The following LONP2 variants were observed in gnomAD, a reference collection of about 807,000 sequenced individuals.
LONP2 encodes the protein lon protease homolog 2, peroxisomal.
A neutral mutation model predicts 85.6 loss-of-function variants in LONP2; 60 were observed. The observed-to-expected ratio is 0.70, with a 90% CI of 0.57 to 0.87. LONP2 has a LOEUF of 0.87. LONP2 is among the 40% of genes least tolerant of loss of function. LONP2 has a pLI of 0.00. For synonymous variants in LONP2, 395 were observed against 389.7 expected, an observed-to-expected ratio of 1.01 and a Z score of -0.16; for missense variants, 860 against 1,063.5, an observed-to-expected ratio of 0.81 and a Z score of 2.66.
chr16:48,257,049 C>T (rs960889333), intron 3 of LONP2, among the ~76,000 whole-genome samples: 5 of 152,122 alleles, frequency 3.3e-5, no homozygotes, highest in African/African-American at 9.7e-5. Context: ...TGGGTGCTCA[C>T]GCCTGTAGTC....
At chr16:48,267,699 C>T (rs8045819) in intron 6 of LONP2, among the ~76,000 whole-genome samples, 31,536 of 151,880 alleles carry the variant, frequency 0.21, 4,016 homozygotes, top group African/African-American at 0.36. Context: ...CACTGCAACC[C>T]CTGCCTCCTG....
intron 8 of LONP2, among the ~76,000 whole-genome samples, chr16:48,289,720 T>C (rs958887678): frequency 2.0e-5 from 3 of 152,342 alleles, no homozygotes; most frequent in African/African-American, 7.2e-5. Flanking sequence ...ATTAAATATT[T>C]ACAAGCTATT....
intron 1 of LONP2, among the ~76,000 whole-genome samples, chr16:48,248,999 C>T (rs1971551149): frequency 6.6e-6 from 1 of 152,012 alleles, no homozygotes; most frequent in African/African-American, 2.4e-5. Flanking sequence ...GATTTTCCCA[C>T]TACTGCAGTT....
chr16:48,347,794 C>T (rs1279703749), intron 13 of LONP2, 80 bp downstream of exon 13: 1 of 1,297,838 alleles, frequency 7.7e-7, no homozygotes, highest in South Asian at 1.3e-5. Flanking sequence ...GAGCTCGAGA[C>T]TGCCAGTTAC....
intron 11 of LONP2, among the ~76,000 whole-genome samples, chr16:48,320,445 A>G (rs1973239101): frequency 6.6e-6 from 1 of 152,126 alleles, no homozygotes; most frequent in Non-Finnish European, 1.5e-5. Context: ...ACAAGAGTTT[A>G]GGCACTGGCT....
chr16:48,319,955 G>A (rs924850908), intron 11 of LONP2, among the ~76,000 whole-genome samples: 1 of 152,004 alleles, frequency 6.6e-6, no homozygotes, highest in Non-Finnish European at 1.5e-5. Flanking sequence ...GAGGTCAGGA[G>A]TTCAAGACCA....
chr16:48,256,833 G>T lies in LONP2; in HGVS notation c.600+92G>T, dbSNP rs2150965955. 3 of 1,171,916 alleles carry T rather than the reference G, an allele frequency of 2.6e-6. No individual in the cohort carries two copies. The East Asian group carries it at 7.4e-5, about 29-fold the overall frequency. The allele number at this position is 1,171,916 out of a possible 1,614,324, so 72.6% of individuals were successfully genotyped here. A position where few individuals can be genotyped will look rare whatever the true frequency, so the allele number is the denominator to read the frequency against. ...GTTAAGTTTTGACCTTCAAGAAAAA[G>T]ATATTGGAGACCCAAAGTAATTGAA... On this transcript the variant is annotated intron_variant, in intron 3 of 14. Coordinates refer to ENST00000285737, the MANE Select transcript of LONP2 (RefSeq NM_031490.5).
intron 8 of LONP2, among the ~76,000 whole-genome samples, chr16:48,293,367 G>A (rs1312366983): frequency 1.3e-5 from 2 of 152,120 alleles, no homozygotes; most frequent in Non-Finnish European, 2.9e-5. Flanking sequence ...GGCGGAGCTT[G>A]CAGTGAGCCG....
In LONP2 at chr16:48,304,616, A is replaced by G. The variant is rs377712511; in HGVS notation, c.1795+1311A>G. ...CTACTCTGGAGGTTGAGGCAGGAGAATCGCTTGAGCCCAAAAGTCAGAGGT... is the reference window on the plus strand; with the variant it reads ...CTACTCTGGAGGTTGAGGCAGGAGAGTCGCTTGAGCCCAAAAGTCAGAGGT... On this transcript the variant is annotated intron_variant, in intron 11 of 14. Coordinates refer to ENST00000285737, the MANE Select transcript of LONP2 (RefSeq NM_031490.5). Among the ~76,000 whole-genome samples the G allele has an allele frequency of 3.3e-5, 5 of 152,320 alleles. No individual in the cohort carries two copies. In the East Asian group the frequency reaches 5.8e-4, roughly 18 times the overall value.
At chr16:48,252,616 C>T (rs1318145150) in intron 2 of LONP2, among the ~76,000 whole-genome samples, 3 of 152,106 alleles carry the variant, frequency 2.0e-5, no homozygotes, top group Non-Finnish European at 4.4e-5. Flanking sequence ...TCTACTGTCT[C>T]TAAACTAGAT....
rs75831895 is a variant in LONP2 at position 48,287,621 on chromosome 16, C to T, written c.1384-8394C>T. 5.3e-3 allele frequency among the ~76,000 whole-genome samples: 808 copies of T among 152,286 alleles called. 7 individuals are homozygous for T. Among genetic ancestry groups the T allele is most frequent in the African/African-American group, 0.019 (771 of 41,568 alleles). The stretch of plus-strand genomic sequence containing the variant: ...AAGGATTGTAATCCTTTTCTACCCC[C>T]TAACAGGATTGCTAGGCTACTGGTT... On this transcript the variant is annotated intron_variant, in intron 8 of 14. Coordinates refer to ENST00000285737, the MANE Select transcript of LONP2 (RefSeq NM_031490.5).
chr16:48,291,338 C>T (rs1161715018), intron 8 of LONP2, among the ~76,000 whole-genome samples: 1 of 152,180 alleles, frequency 6.6e-6, no homozygotes, highest in Admixed American at 6.5e-5. Context: ...TTTTAAAAAG[C>T]ATAATCATAC....
intron 7 of LONP2, among the ~76,000 whole-genome samples, chr16:48,274,397 C>T (rs550516833): frequency 4.6e-4 from 70 of 152,076 alleles, no homozygotes; most frequent in Admixed American, 2.0e-3. Context: ...GTGGTGAGCG[C>T]TCTCTGGGTG....
rs190490542 is a variant in LONP2, at chr16:48,277,253, C to T, written c.1242-85C>T. ...TATAGTGATAGCTAAATGATCTTTT[C>T]ACATTCCTAAGTTTTGATTTCTGAA... On this transcript the variant is annotated intron_variant, in intron 7 of 14. Coordinates refer to ENST00000285737, the MANE Select transcript of LONP2 (RefSeq NM_031490.5). The T allele has an allele frequency of 3.7e-6, 5 of 1,340,976 alleles. No individual in the cohort carries two copies. The Admixed American group carries it at 1.0e-4, about 28-fold the overall frequency. 83.1% of individuals were successfully genotyped at this position (1,340,976 alleles called of 1,614,324 possible). A position where few individuals can be genotyped will look rare whatever the true frequency, so the allele number is the denominator to read the frequency against.
intron 8 of LONP2, among the ~76,000 whole-genome samples, chr16:48,279,564 G>A (rs936769339): frequency 7.3e-5 from 11 of 151,696 alleles, no homozygotes; most frequent in Admixed American, 6.6e-4. Context: ...TTTCAGCATA[G>A]TATATGTTCT....
intron 12 of LONP2, chr16:48,336,518 A>C (rs1424993025): frequency 2.2e-6 from 1 of 449,146 alleles, no homozygotes; most frequent in Admixed American, 2.4e-5. Context: ...GTCCGAAAAG[A>C]GAGTCAGCAA....
At chr16:48,293,543 T>C (rs551951302) in intron 8 of LONP2, among the ~76,000 whole-genome samples, 38 of 152,262 alleles carry the variant, frequency 2.5e-4, no homozygotes, top group African/African-American at 8.2e-4. Flanking sequence ...TAAGAAACAC[T>C]GCAATGGGGT....
intron 4 of LONP2, among the ~76,000 whole-genome samples, chr16:48,258,970 T>C (rs1971820837): frequency 6.6e-6 from 1 of 152,220 alleles, no homozygotes; most frequent in Non-Finnish European, 1.5e-5. Flanking sequence ...CATTTCCCCT[T>C]TTGTGTTGTT....
At chr16:48,261,108 C>T (rs907441041) in intron 4 of LONP2, among the ~76,000 whole-genome samples, 2 of 152,076 alleles carry the variant, frequency 1.3e-5, no homozygotes, top group Non-Finnish European at 1.5e-5. Context: ...GCAATAGTAG[C>T]TCAAAGAAAG....
Sources: gnomAD v4.1 joint callset for allele counts (sites outside exome capture counted in the v4.1 genomes callset) on GRCh38, gnomAD v4.1.1 for gene constraint, MANE v1.5 for transcripts, NCBI Gene and HGNC (gene_info 2026-07-23, HGNC 2026-07-21) for gene names.